The following LDB2 variants were observed in gnomAD, a reference collection of about 807,000 sequenced individuals.
LDB2 encodes LIM domain binding 2.
LDB2 carries 12 observed loss-of-function variants against 44.3 expected under a neutral mutation model. The observed-to-expected ratio is 0.27, with a 90% confidence interval of 0.17 to 0.44. LDB2 has a LOEUF of 0.44. Among genes scored for constraint, LDB2 ranks in the 20% least tolerant of loss-of-function variants. The pLI is 1.00. For synonymous variants in LDB2, 164 were observed against 174.8 expected, an observed-to-expected ratio of 0.94 and a Z score of 0.49; for missense variants, 344 against 473.5, an observed-to-expected ratio of 0.73 and a Z score of 2.54.
At chr4:16,818,331 A>G (rs1781320577) in intron 1 of LDB2, among the ~76,000 whole-genome samples, 1 of 152,170 alleles carries the variant, frequency 6.6e-6, no homozygotes, top group South Asian at 2.1e-4. Flanking sequence ...CCTGCAGCAC[A>G]TTCTTACCCA....
At chr4:16,593,447 A>G (rs1719796873) in intron 3 of LDB2, among the ~76,000 whole-genome samples, 1 of 152,150 alleles carries the variant, frequency 6.6e-6, no homozygotes, top group Non-Finnish European at 1.5e-5. Context: ...TTTGAGTATT[A>G]TAATAATCAC....
intron 5 of LDB2, among the ~76,000 whole-genome samples, chr4:16,543,744 A>C (rs2152331140): frequency 6.6e-6 from 1 of 152,254 alleles, no homozygotes; most frequent in Non-Finnish European, 1.5e-5. Context: ...CAATGGCAAC[A>C]AAAGCCAAAA....
chr4:16,597,387 C>T (rs151304125), intron 2 of LDB2, among the ~76,000 whole-genome samples: 4,052 of 152,190 alleles, frequency 0.027, 86 homozygotes, highest in South Asian at 0.052. Flanking sequence ...ATCCCCAATA[C>T]TGCATGCTCA....
At chr4:16,897,898 AT>A (rs1725540892) in intron 1 of LDB2, among the ~76,000 whole-genome samples, 11 of 60,494 alleles carry the variant, frequency 1.8e-4, no homozygotes, top group Non-Finnish European at 2.1e-4. Context: ...AAAAGAAAAT[AT>A]ATATATATAT....
rs570768612 is a variant in LDB2, at chr4:16,802,978, C to T, written c.133-43718G>A. On this transcript the variant is annotated intron_variant, in intron 1 of 7. Coordinates refer to ENST00000304523, the MANE Select transcript of LDB2 (RefSeq NM_001290.5). Reference sequence around the variant, plus strand: ...ACATTCAGGGGGCTGTCACTGGAGCCAGAGACCCCTCGACCGCTGTCTCCT... The same window carrying T: ...ACATTCAGGGGGCTGTCACTGGAGCTAGAGACCCCTCGACCGCTGTCTCCT... Among the ~76,000 whole-genome samples, 3 of 152,274 alleles carry T rather than the reference C, an allele frequency of 2.0e-5. No homozygotes were observed. In the South Asian group the frequency reaches 6.2e-4, roughly 32 times the overall value.
intron 1 of LDB2, among the ~76,000 whole-genome samples, chr4:16,802,559 G>A (rs1778042617): frequency 6.6e-6 from 1 of 152,160 alleles, no homozygotes; most frequent in Non-Finnish European, 1.5e-5. Flanking sequence ...AGACACAAAA[G>A]GGATTAAAAG....
At chr4:16,801,047 T>C (rs976127756) in intron 1 of LDB2, among the ~76,000 whole-genome samples, 1 of 152,234 alleles carries the variant, frequency 6.6e-6, no homozygotes, top group African/African-American at 2.4e-5. Flanking sequence ...TTCGGATGCA[T>C]GACCCTGAGG....
intron 5 of LDB2, among the ~76,000 whole-genome samples, chr4:16,565,757 A>T (rs1000134712): frequency 4.6e-5 from 7 of 152,018 alleles, no homozygotes; most frequent in African/African-American, 1.7e-4. Flanking sequence ...AAACTAAAAA[A>T]ATTATAAATA....
chr4:16,893,912 C>T (rs1177912094), intron 1 of LDB2, among the ~76,000 whole-genome samples: 3 of 151,918 alleles, frequency 2.0e-5, no homozygotes, highest in East Asian at 3.9e-4. Context: ...AAGTTATCTC[C>T]TCTAACAAAG....
At chr4:16,816,655 C>T (rs1780986457) in intron 1 of LDB2, among the ~76,000 whole-genome samples, 2 of 152,050 alleles carry the variant, frequency 1.3e-5, no homozygotes, top group Admixed American at 6.6e-5. Context: ...AAGCGATCCG[C>T]CCGCCTTGGC....
chr4:16,685,146 A>C (rs188989507), intron 2 of LDB2, among the ~76,000 whole-genome samples: 51 of 152,340 alleles, frequency 3.3e-4, no homozygotes, highest in African/African-American at 1.2e-3. Flanking sequence ...TTCTGTATAA[A>C]ATAAATAACA....
At chr4:16,514,814 G>GTT (rs1723026854) in intron 5 of LDB2, among the ~76,000 whole-genome samples, 2 of 152,262 alleles carry the variant, frequency 1.3e-5, no homozygotes, top group African/African-American at 4.8e-5. Context: ...AATCTAAAGT[G>GTT]TTAATATGGA....
At chr4:16,635,537 A>T (rs1733355637) in intron 2 of LDB2, among the ~76,000 whole-genome samples, 1 of 152,170 alleles carries the variant, frequency 6.6e-6, no homozygotes, top group African/African-American at 2.4e-5. Flanking sequence ...TGCAAACCCT[A>T]TATTTGCTGT....
intron 1 of LDB2, among the ~76,000 whole-genome samples, chr4:16,855,713 A>C (rs1789227580): frequency 1.3e-5 from 2 of 152,126 alleles, no homozygotes; most frequent in Admixed American, 1.3e-4. Flanking sequence ...TTAACACTTA[A>C]AGCCTTTTCT....
intron 1 of LDB2, among the ~76,000 whole-genome samples, chr4:16,767,667 T>C (rs1315559265): frequency 2.0e-5 from 3 of 152,184 alleles, no homozygotes; most frequent in Non-Finnish European, 4.4e-5. Context: ...TCCAGGTAAA[T>C]AAAGATGAAA....
Position 16,859,475 on chromosome 4 carries a change from C to T in LDB2, c.132+38879G>A, listed in dbSNP as rs114399118. Among the ~76,000 whole-genome samples, 488 of 152,288 alleles carry T rather than the reference C, an allele frequency of 3.2e-3. 1 individual carries two copies. The highest frequency in any genetic ancestry group is 5.6e-3 in the Non-Finnish European group (384 of 68,026). On this transcript the variant is annotated intron_variant, in intron 1 of 7. Transcript: ENST00000304523. The stretch of plus-strand genomic sequence containing the variant: ...GCTACAATACCCCATTTCTGTTTTC[C>T]CCTCCTAATTACATCTATTGGATTA...
At chr4:16,579,859 A>G (rs1290173793) in intron 5 of LDB2, among the ~76,000 whole-genome samples, 1 of 152,220 alleles carries the variant, frequency 6.6e-6, no homozygotes, top group African/African-American at 2.4e-5. Flanking sequence ...GTGTCTTCAC[A>G]TTGCTCAGAG....
intron 2 of LDB2, among the ~76,000 whole-genome samples, chr4:16,650,201 T>C (rs1320234134): frequency 6.6e-6 from 1 of 152,220 alleles, no homozygotes; most frequent in Non-Finnish European, 1.5e-5. Flanking sequence ...CCTCTCTGTG[T>C]TGGGCTTTCC....
At position 16,684,837 on chromosome 4, in the gene LDB2, G is replaced by A. The variant is rs78161288; in HGVS notation, c.235+74321C>T. On this transcript the variant is annotated intron_variant, in intron 2 of 7. Transcript: ENST00000304523. Reference sequence around the variant, plus strand: ...GGGCTGGAAAACTTTCTCTGTGAGGGACCATATAGTAAATGTTTTAGGTTT... The same window carrying A: ...GGGCTGGAAAACTTTCTCTGTGAGGAACCATATAGTAAATGTTTTAGGTTT... Among the ~76,000 whole-genome samples the A allele has an allele frequency of 5.9e-4, 90 of 152,268 alleles. 2 individuals carry two copies. In the East Asian group the frequency reaches 0.012, roughly 20 times the overall value.
Sources: gnomAD v4.1 joint callset for allele counts (sites outside exome capture counted in the v4.1 genomes callset) on GRCh38, gnomAD v4.1.1 for gene constraint, MANE v1.5 for transcripts, NCBI Gene and HGNC (gene_info 2026-07-23, HGNC 2026-07-21) for gene names.